The following MSRA variants were observed in gnomAD, a reference collection of about 807,000 sequenced individuals.
The protein encoded by MSRA is mitochondrial peptide methionine sulfoxide reductase.
In MSRA, 54 loss-of-function variants were observed where a neutral mutation model predicts 31.3. That is an observed-to-expected ratio of 1.73 (90% CI 1.39 to 2.17). MSRA has a LOEUF of 2.17. MSRA is among the 30% of genes most tolerant of loss of function. MSRA has a pLI of 0.00. For synonymous variants in MSRA, 169 were observed against 116.5 expected, an observed-to-expected ratio of 1.45 and a Z score of -2.90; for missense variants, 507 against 300.9, an observed-to-expected ratio of 1.69 and a Z score of -5.07.
At chr8:10,174,601 C>T (rs1302436142) in intron 1 of MSRA, among the ~76,000 whole-genome samples, 1 of 152,114 alleles carries the variant, frequency 6.6e-6, no homozygotes, top group Non-Finnish European at 1.5e-5. Context: ...CTCCCCTGAG[C>T]TCATCCAGGC....
At chr8:10,119,908 G>A (rs940805312) in intron 1 of MSRA, among the ~76,000 whole-genome samples, 3 of 152,176 alleles carry the variant, frequency 2.0e-5, no homozygotes, top group African/African-American at 7.2e-5. Flanking sequence ...AAACCAACAA[G>A]AGCTGGCAGA....
intron 1 of MSRA, among the ~76,000 whole-genome samples, chr8:10,068,360 G>A (rs1038697182): frequency 2.6e-5 from 4 of 152,056 alleles, no homozygotes; most frequent in African/African-American, 9.7e-5. Context: ...TTCATGGATT[G>A]TGCCTTTCGT....
chr8:10,331,150 T>A (rs180935377), intron 5 of MSRA, among the ~76,000 whole-genome samples: 302 of 152,354 alleles, frequency 2.0e-3, no homozygotes, highest in Non-Finnish European at 3.4e-3. Flanking sequence ...GATCTTGGAC[T>A]TCTCAGCCCC....
intron 1 of MSRA, among the ~76,000 whole-genome samples, chr8:10,154,509 C>G (rs546131186): frequency 6.6e-6 from 1 of 152,190 alleles, no homozygotes; most frequent in African/African-American, 2.4e-5. Context: ...TCCTGAGTAG[C>G]TGGTACTACA....
At chr8:10,232,764 G>C (rs1353098578) in intron 2 of MSRA, among the ~76,000 whole-genome samples, 1 of 152,140 alleles carries the variant, frequency 6.6e-6, no homozygotes, top group African/African-American at 2.4e-5. Context: ...TAGAAATGCA[G>C]GAATCTTAAG....
At chr8:10,358,394 C>A (rs541710865) in intron 5 of MSRA, among the ~76,000 whole-genome samples, 2 of 151,970 alleles carry the variant, frequency 1.3e-5, no homozygotes, top group African/African-American at 4.8e-5. Context: ...TCTTGTTTCC[C>A]CCCAATTTTT....
chr8:10,076,012 T>C (rs1363833660), intron 1 of MSRA, among the ~76,000 whole-genome samples: 1 of 152,246 alleles, frequency 6.6e-6, no homozygotes, highest in East Asian at 1.9e-4. Context: ...TGTTCTCTAG[T>C]GAAGGGCATG....
At chr8:10,107,884 A>C (rs571501665) in intron 1 of MSRA, among the ~76,000 whole-genome samples, 1 of 152,222 alleles carries the variant, frequency 6.6e-6, no homozygotes, top group South Asian at 2.1e-4. Flanking sequence ...CTTTTTAAAG[A>C]CCTCCAGAGA....
At chr8:10,158,044 T>A (rs956572804) in intron 1 of MSRA, among the ~76,000 whole-genome samples, 14 of 152,192 alleles carry the variant, frequency 9.2e-5, no homozygotes, top group Admixed American at 6.5e-4. Context: ...AGATTTGGTG[T>A]CTGATGAGGG....
intron 3 of MSRA, among the ~76,000 whole-genome samples, chr8:10,246,582 A>G (rs2952223): frequency 0.7 from 105,766 of 152,070 alleles, 37,613 homozygotes; most frequent in Non-Finnish European, 0.79. Context: ...TCAGCCCTCC[A>G]AGGGCACCAT....
At chr8:10,146,749 T>C (rs1803177441) in intron 1 of MSRA, among the ~76,000 whole-genome samples, 1 of 152,268 alleles carries the variant, frequency 6.6e-6, no homozygotes, top group South Asian at 2.1e-4. Flanking sequence ...AAATCACACT[T>C]TCTGGGCGTG....
chr8:10,096,028 G>T, intron 1 of MSRA: 1 of 1,454,984 alleles, frequency 6.9e-7, no homozygotes, highest in Non-Finnish European at 9.1e-7. Context: ...GACATCCTTC[G>T]GAATGTGTTC....
intron 5 of MSRA, among the ~76,000 whole-genome samples, chr8:10,393,949 A>T (rs1005089035): frequency 6.6e-6 from 1 of 152,222 alleles, no homozygotes; most frequent in Non-Finnish European, 1.5e-5. Flanking sequence ...TGGTGATCAC[A>T]CAGCCATCCC....
At position 10,346,173 on chromosome 8, in the gene MSRA, G is replaced by C. The variant is rs78787593; in HGVS notation, c.543+26184G>C. Among the ~76,000 whole-genome samples the C allele has an allele frequency of 2.0e-3, 312 of 152,324 alleles. 13 individuals are homozygous for C. The East Asian group carries it at 0.056, about 27-fold the overall frequency. ...TTTCTCTTATATATGGGCAAAGGCTGAGTGACTTGGGGTCCTGACCTCAGT... is the reference window on the plus strand; with the variant it reads ...TTTCTCTTATATATGGGCAAAGGCTCAGTGACTTGGGGTCCTGACCTCAGT... On this transcript the variant is annotated intron_variant, in intron 5 of 5. Transcript: ENST00000317173.
chr8:10,098,116 T>C (rs1196430321), intron 1 of MSRA, among the ~76,000 whole-genome samples: 1 of 152,196 alleles, frequency 6.6e-6, no homozygotes, highest in Non-Finnish European at 1.5e-5. Context: ...CATGCTTCTT[T>C]ATTTTTAGAC....
chr8:10,322,605 C>A (rs910156105), intron 5 of MSRA, among the ~76,000 whole-genome samples: 1 of 152,106 alleles, frequency 6.6e-6, no homozygotes, highest in African/African-American at 2.4e-5. Flanking sequence ...TTTGGAGGAG[C>A]CATGGGCTGT....
chr8:10,278,200 G>C (rs1783353906), intron 3 of MSRA, among the ~76,000 whole-genome samples: 1 of 152,112 alleles, frequency 6.6e-6, no homozygotes, highest in South Asian at 2.1e-4. Flanking sequence ...CAGGGGTGGG[G>C]TTGCCACTTG....
chr8:10,335,641 C>T (rs931798649), intron 5 of MSRA, among the ~76,000 whole-genome samples: 6 of 152,094 alleles, frequency 3.9e-5, no homozygotes, highest in Non-Finnish European at 1.5e-5. Flanking sequence ...CTACCTGCCT[C>T]GGGCTCTCTT....
At chr8:10,097,692 T>A (rs1799269011) in intron 1 of MSRA, among the ~76,000 whole-genome samples, 3 of 152,220 alleles carry the variant, frequency 2.0e-5, no homozygotes, top group African/African-American at 7.2e-5. Flanking sequence ...GCTAGCTGAT[T>A]TCTTAACTTC....
Sources: gnomAD v4.1 joint callset for allele counts (sites outside exome capture counted in the v4.1 genomes callset) on GRCh38, gnomAD v4.1.1 for gene constraint, MANE v1.5 for transcripts, NCBI Gene and HGNC (gene_info 2026-07-23, HGNC 2026-07-21) for gene names.